Variants in ROR1 observed in about 807,000 individuals in gnomAD.
The protein encoded by ROR1 is ROR family WNT receptor 1.
A neutral mutation model predicts 78.8 loss-of-function variants in ROR1; 19 were observed. The ratio of observed to expected loss-of-function variants is 0.24; its 90% CI spans 0.17 to 0.35. The LOEUF is 0.35. ROR1 is among the 10% of genes least tolerant of loss of function. The probability of loss-of-function intolerance (pLI) is 1.00; values close to 1 mark genes in which losing one functional copy is unlikely to be tolerated. For synonymous variants in ROR1, 386 were observed against 433.6 expected, an observed-to-expected ratio of 0.89 and a Z score of 1.36; for missense variants, 917 against 1,177.8, an observed-to-expected ratio of 0.78 and a Z score of 3.24.
chr1:63,874,357 A>G (rs1047265784), intron 1 of ROR1, among the ~76,000 whole-genome samples: 1 of 152,076 alleles, frequency 6.6e-6, no homozygotes, highest in Non-Finnish European at 1.5e-5. Context: ...CCTCTTAAAG[A>G]TAATTAAGAG....
chr1:63,814,372 T>C (rs1487645909), intron 1 of ROR1, among the ~76,000 whole-genome samples: 1 of 152,090 alleles, frequency 6.6e-6, no homozygotes, highest in African/African-American at 2.4e-5. Flanking sequence ...AAGGCAGTGG[T>C]CCCCAACCTT....
rs371769627 is a variant in ROR1, at chr1:64,140,434, G to C, written c.928+8G>C. 6.2e-7 allele frequency: 1 copy of C among 1,611,472 alleles called. No individual in the cohort carries two copies. Among genetic ancestry groups the C allele is most frequent in the Admixed American group, 1.7e-5 (1 of 59,910 alleles). ...CAGATCCTATAAATAAAAGTAAGTG[G>C]TAGCCCCTGACCTTCTGTGCTCTTC... On this transcript the variant is annotated splice_region_variant and intron_variant, in intron 6 of 8. Transcript: ENST00000371079.
Position 63,885,293 on chromosome 1 carries a change from G to A in ROR1, c.91+110785G>A, listed in dbSNP as rs752378473. Among the ~76,000 whole-genome samples, 16 of 152,298 alleles carry A rather than the reference G, an allele frequency of 1.1e-4. No individual in the cohort carries two copies. The East Asian group carries it at 1.3e-3, about 13-fold the overall frequency. On this transcript the variant is annotated intron_variant, in intron 1 of 8. Transcript: ENST00000371079. ...TGGGGCTCCTAGGGAAACCAGGCAC[G>A]TAGATGGGAATGGACGGGTACAGTC...
At position 63,785,577 on chromosome 1, in the gene ROR1, C is replaced by T. The variant is rs112604662; in HGVS notation, c.91+11069C>T. Among the ~76,000 whole-genome samples the T allele has an allele frequency of 3.7e-3, 561 of 151,668 alleles. 5 individuals are homozygous for T. Among genetic ancestry groups the T allele is most frequent in the African/African-American group, 0.013 (531 of 41,380 alleles). On this transcript the variant is annotated intron_variant, in intron 1 of 8. Coordinates refer to ENST00000371079, the MANE Select transcript of ROR1 (RefSeq NM_005012.4). The stretch of plus-strand genomic sequence containing the variant: ...TCACTCTGTGGCCCAAGCTGGAGTG[C>T]AGTGGCACGATCTCAGCTCACTGCA...
chr1:63,836,266 C>T (rs1283641256), intron 1 of ROR1, among the ~76,000 whole-genome samples: 1 of 152,204 alleles, frequency 6.6e-6, no homozygotes, highest in Middle Eastern at 3.2e-3. Context: ...GATTCACACT[C>T]ATTGTAGTGT....
At chr1:63,828,953 C>T (rs1433261658) in intron 1 of ROR1, among the ~76,000 whole-genome samples, 1 of 152,178 alleles carries the variant, frequency 6.6e-6, no homozygotes, top group Non-Finnish European at 1.5e-5. Flanking sequence ...CTATCTCCTT[C>T]CTTTCTTTCT....
At chr1:64,044,464 A>G (rs951110866) in intron 2 of ROR1, among the ~76,000 whole-genome samples, 4 of 152,304 alleles carry the variant, frequency 2.6e-5, no homozygotes, top group South Asian at 2.1e-4. Context: ...TTCCACTGCC[A>G]TATACTTGTA....
At position 64,014,773 on chromosome 1, in the gene ROR1, T is replaced by TATATATATATATATATATATATACAC. The variant is rs71056017; in HGVS notation, c.163+5398_163+5399insTATATATATATATATATATATACACA. On this transcript the variant is annotated intron_variant, in intron 2 of 8. Transcript: ENST00000371079. ...ATATATATATATATATATATATATATACACATTTTGTCCTGGTTTGCCTTT... is the reference window on the plus strand; with the variant it reads ...ATATATATATATATATATATATATATATATATATATATATATATATATACACACACATTTTGTCCTGGTTTGCCTTT... 3.6e-4 allele frequency among the ~76,000 whole-genome samples: 17 copies of TATATATATATATATATATATATACAC among 46,962 alleles called. 2 individuals carry two copies. The highest frequency in any genetic ancestry group is 6.0e-4 in the Non-Finnish European group (13 of 21,582). The allele number at this position is 46,962 out of a possible 152,430, so 30.8% of individuals were successfully genotyped here.
In ROR1 at chr1:63,774,970, C is replaced by T. The variant is rs1644605107; in HGVS notation, c.91+462C>T. ...GGATTTTCAGTGGTGCTCGCCAGAGCCCAGGCGGCTCGCGGATCGACGCAA... is the reference window on the plus strand; with the variant it reads ...GGATTTTCAGTGGTGCTCGCCAGAGTCCAGGCGGCTCGCGGATCGACGCAA... On this transcript the variant is annotated intron_variant, in intron 1 of 8. Coordinates refer to ENST00000371079, the MANE Select transcript of ROR1 (RefSeq NM_005012.4). The surrounding 1 kb of genome is among the most constrained non-coding windows in gnomAD (Gnocchi z 5.7). 6.6e-6 allele frequency among the ~76,000 whole-genome samples: 1 copy of T among 152,120 alleles called. No individual in the cohort carries two copies. Among genetic ancestry groups the T allele is most frequent in the Admixed American group, 6.5e-5 (1 of 15,288 alleles).
intron 4 of ROR1, among the ~76,000 whole-genome samples, chr1:64,109,086 A>C (rs1465657087): frequency 2.0e-5 from 3 of 152,106 alleles, no homozygotes; most frequent in Admixed American, 2.0e-4. Flanking sequence ...CCCGGCTTAG[A>C]TCTCTGGGGG....
chr1:63,835,707 A>G (rs1428167289), intron 1 of ROR1, among the ~76,000 whole-genome samples: 1 of 152,252 alleles, frequency 6.6e-6, no homozygotes, highest in African/African-American at 2.4e-5. Context: ...GCAGTAAAAT[A>G]TACTAAAGTA....
At position 64,179,511 on chromosome 1, in the gene ROR1, G is replaced by C. The variant is rs890365465; in HGVS notation, c.*656G>C. 3 of 152,250 alleles carry C rather than the reference G, an allele frequency of 2.0e-5. No homozygotes were observed. Among genetic ancestry groups the C allele is most frequent in the Non-Finnish European group, 4.4e-5 (3 of 68,168 alleles). 9.4% of individuals were successfully genotyped at this position (152,250 alleles called of 1,614,324 possible). A position where few individuals can be genotyped will look rare whatever the true frequency, so the allele number is the denominator to read the frequency against. On this transcript the variant is annotated 3_prime_UTR_variant, in exon 9 of 9. Transcript: ENST00000371079. Reference sequence around the variant, plus strand: ...TTGTGAATCCTCCTCTGATCATGAGGGTCTTTCCCACAGTTTCTCACAGTG... The same window carrying C: ...TTGTGAATCCTCCTCTGATCATGAGCGTCTTTCCCACAGTTTCTCACAGTG...
chr1:64,070,564 C>T (rs546113071), intron 4 of ROR1, among the ~76,000 whole-genome samples: 13 of 152,144 alleles, frequency 8.5e-5, no homozygotes, highest in Admixed American at 3.3e-4. Context: ...AAACCATCCT[C>T]GCACCTCAGC....
chr1:64,121,034 C>T (rs2100687451), intron 4 of ROR1, among the ~76,000 whole-genome samples: 1 of 144,918 alleles, frequency 6.9e-6, no homozygotes, highest in East Asian at 2.0e-4. Flanking sequence ...CTCTTCATGG[C>T]CACACTCCAG....
chr1:64,131,499 C>T (rs1229099728), intron 4 of ROR1, among the ~76,000 whole-genome samples: 1 of 152,096 alleles, frequency 6.6e-6, no homozygotes, highest in Non-Finnish European at 1.5e-5. Flanking sequence ...AATTTGCAAC[C>T]ATTGGCCCTC....
chr1:64,088,583 A>G (rs1034279538), intron 4 of ROR1, among the ~76,000 whole-genome samples: 34 of 108,444 alleles, frequency 3.1e-4, no homozygotes, highest in African/African-American at 1.2e-3. Context: ...CACTTTTCCC[A>G]TGCATGGGGC....
intron 7 of ROR1, among the ~76,000 whole-genome samples, chr1:64,153,350 TA>T (rs1029306906): frequency 5.3e-5 from 8 of 151,992 alleles, no homozygotes; most frequent in South Asian, 2.1e-4. Flanking sequence ...TGGAAGTTCC[TA>T]AAAAAAATTA....
chr1:64,089,840 G>A lies in ROR1; in HGVS notation c.482+39124G>A, dbSNP rs61169775. ...GAATTGTAGCTCCCGTAATTCTCAC[G>A]TGTTGTGGCAGAGACCTGGTGGGAG... On this transcript the variant is annotated intron_variant, in intron 4 of 8. Coordinates refer to ENST00000371079, the MANE Select transcript of ROR1 (RefSeq NM_005012.4). Among the ~76,000 whole-genome samples the A allele has an allele frequency of 7.9e-5, 12 of 152,230 alleles. No individual in the cohort carries two copies. In the East Asian group the frequency reaches 1.4e-3, roughly 17 times the overall value.
At chr1:64,028,120 G>C (rs1033096321) in intron 2 of ROR1, among the ~76,000 whole-genome samples, 1 of 152,218 alleles carries the variant, frequency 6.6e-6, no homozygotes, top group Middle Eastern at 3.4e-3. Flanking sequence ...AATGCATGTA[G>C]TTTAGATTTT....
Sources: gnomAD v4.1 joint callset for allele counts (sites outside exome capture counted in the v4.1 genomes callset) on GRCh38, gnomAD v4.1.1 for gene constraint, Gnocchi (gnomAD v3.1) non-coding constraint, MANE v1.5 for transcripts, NCBI Gene and HGNC (gene_info 2026-07-23, HGNC 2026-07-21) for gene names.